PLCB1: variants seen among roughly 807,000 people sequenced by gnomAD.
The protein encoded by PLCB1 is 1-phosphatidylinositol 4,5-bisphosphate phosphodiesterase beta-1.
Under a neutral mutation model 161.8 loss-of-function variants are expected in PLCB1, and 46 were observed. The ratio of observed to expected loss-of-function variants is 0.28; its 90% CI spans 0.22 to 0.36. PLCB1 has a LOEUF of 0.36. PLCB1 is among the 10% of genes least tolerant of loss of function. PLCB1 has a pLI of 1.00. For synonymous variants in PLCB1, 517 were observed against 503.7 expected, an observed-to-expected ratio of 1.03 and a Z score of -0.35; for missense variants, 1,016 against 1,472.5, an observed-to-expected ratio of 0.69 and a Z score of 5.07.
intron 10 of PLCB1, among the ~76,000 whole-genome samples, chr20:8,696,642 A>G (rs889502609): frequency 6.6e-6 from 1 of 152,140 alleles, no homozygotes; most frequent in Admixed American, 6.5e-5. Context: ...ATGTATTTCC[A>G]TTTATTTGGG....
At chr20:8,236,083 T>C (rs984976834) in intron 2 of PLCB1, among the ~76,000 whole-genome samples, 1 of 152,148 alleles carries the variant, frequency 6.6e-6, no homozygotes, top group Non-Finnish European at 1.5e-5. Flanking sequence ...TCAAGTTAAT[T>C]TGAAATTTTT....
At chr20:8,448,468 G>T (rs1484213592) in intron 3 of PLCB1, among the ~76,000 whole-genome samples, 2 of 152,180 alleles carry the variant, frequency 1.3e-5, no homozygotes, top group African/African-American at 4.8e-5. Flanking sequence ...GTTATGTTTA[G>T]AAGGCAGCGG....
At chr20:8,513,368 C>A (rs760606431) in intron 3 of PLCB1, among the ~76,000 whole-genome samples, 1 of 152,222 alleles carries the variant, frequency 6.6e-6, no homozygotes, top group Non-Finnish European at 1.5e-5. Context: ...CTCATTCATT[C>A]ACACACAGCA....
chr20:8,495,110 G>A (rs1464222929), intron 3 of PLCB1, among the ~76,000 whole-genome samples: 1 of 151,790 alleles, frequency 6.6e-6, no homozygotes, highest in African/African-American at 2.4e-5. Context: ...ATGAGCAGGA[G>A]GAGAATGATA....
chr20:8,790,546 C>T (rs578058856), intron 31 of PLCB1, among the ~76,000 whole-genome samples: 20 of 152,108 alleles, frequency 1.3e-4, no homozygotes, highest in Non-Finnish European at 2.4e-4. Context: ...TTTTATAGTC[C>T]GTTTCCCCTG....
intron 2 of PLCB1, among the ~76,000 whole-genome samples, chr20:8,323,241 T>G (rs1038566978): frequency 2.0e-5 from 3 of 152,194 alleles, no homozygotes; most frequent in Admixed American, 6.6e-5. Flanking sequence ...ATAGGAAAAT[T>G]TATTTATAAA....
rs188358007 is a variant in PLCB1, at chr20:8,267,916, T to C, written c.178-103466T>C. On this transcript the variant is annotated intron_variant, in intron 2 of 31. Coordinates refer to ENST00000338037, the MANE Select transcript of PLCB1 (RefSeq NM_015192.4). ...AAGACTTGGCCCACAACCAGTCTGATTGGTTGTGGGACAGGACCAATCAGA... is the reference window on the plus strand; with the variant it reads ...AAGACTTGGCCCACAACCAGTCTGACTGGTTGTGGGACAGGACCAATCAGA... 3.9e-3 allele frequency among the ~76,000 whole-genome samples: 600 copies of C among 152,030 alleles called. 3 individuals carry two copies. The highest frequency in any genetic ancestry group is 5.9e-3 in the Non-Finnish European group (402 of 67,958).
intron 18 of PLCB1, among the ~76,000 whole-genome samples, chr20:8,732,457 A>G (rs1158601031): frequency 6.6e-6 from 1 of 151,644 alleles, no homozygotes; most frequent in South Asian, 2.1e-4. Context: ...TCAAAACATT[A>G]TAAGGGTGAA....
intron 19 of PLCB1, among the ~76,000 whole-genome samples, chr20:8,733,784 TATAATAATAATA>T (rs199683575): frequency 0.011 from 1,502 of 139,284 alleles, 20 homozygotes; most frequent in African/African-American, 0.025. Flanking sequence ...AAACTTAAAG[TATAATAATAATA>T]ATAATAATAA....
chr20:8,542,421 G>T (rs989821165), intron 3 of PLCB1, among the ~76,000 whole-genome samples: 2 of 152,156 alleles, frequency 1.3e-5, no homozygotes, highest in Admixed American at 6.5e-5. Flanking sequence ...CACATTAGCT[G>T]CCCAGTCTTG....
In PLCB1 at chr20:8,490,834, T is replaced by G. The variant is rs1186128983; in HGVS notation, c.246+119384T>G. ...AGTTTCTTTTCTTATTTTCAGATTTTGAGAGTTGTTGGCTCATATATATAG... is the reference window on the plus strand; with the variant it reads ...AGTTTCTTTTCTTATTTTCAGATTTGGAGAGTTGTTGGCTCATATATATAG... On this transcript the variant is annotated intron_variant, in intron 3 of 31. Transcript: ENST00000338037. 4.7e-5 allele frequency among the ~76,000 whole-genome samples: 7 copies of G among 148,470 alleles called. No homozygotes were observed. The East Asian group carries it at 1.4e-3, about 29-fold the overall frequency.
At chr20:8,658,053 G>A (rs1425938100) in intron 8 of PLCB1, among the ~76,000 whole-genome samples, 1 of 152,120 alleles carries the variant, frequency 6.6e-6, no homozygotes, top group East Asian at 1.9e-4. Flanking sequence ...GAAATGGGAA[G>A]TTTGAACAAT....
At chr20:8,818,842 G>A (rs1310655381) in intron 31 of PLCB1, among the ~76,000 whole-genome samples, 1 of 151,874 alleles carries the variant, frequency 6.6e-6, no homozygotes, top group African/African-American at 2.4e-5. Context: ...TTGGGAGGCT[G>A]AGGCAGTAGA....
At chr20:8,386,814 A>G (rs1568657048) in intron 3 of PLCB1, among the ~76,000 whole-genome samples, 1 of 152,172 alleles carries the variant, frequency 6.6e-6, no homozygotes, top group Non-Finnish European at 1.5e-5. Context: ...CTTCTGGGTA[A>G]TTTGCTGTAG....
intron 3 of PLCB1, among the ~76,000 whole-genome samples, chr20:8,409,357 A>G (rs1978934449): frequency 6.6e-6 from 1 of 152,178 alleles, no homozygotes; most frequent in Non-Finnish European, 1.5e-5. Flanking sequence ...AACATTAGCA[A>G]TCAGGGGTCT....
At chr20:8,168,198 T>C (rs1238253511) in intron 2 of PLCB1, among the ~76,000 whole-genome samples, 1 of 152,210 alleles carries the variant, frequency 6.6e-6, no homozygotes, top group Non-Finnish European at 1.5e-5. Flanking sequence ...ATGCCACCTA[T>C]TGATGACAAG....
At chr20:8,272,011 A>AT (rs994524067) in intron 2 of PLCB1, among the ~76,000 whole-genome samples, 7 of 151,946 alleles carry the variant, frequency 4.6e-5, no homozygotes, top group South Asian at 2.1e-4. Context: ...TCCTTTCAAG[A>AT]TTTTTTTTGC....
chr20:8,498,891 G>A (rs1291923361), intron 3 of PLCB1, among the ~76,000 whole-genome samples: 5 of 152,162 alleles, frequency 3.3e-5, no homozygotes, highest in Admixed American at 2.6e-4. Flanking sequence ...TTATTTCTGT[G>A]TCACATGGTG....
intron 14 of PLCB1, among the ~76,000 whole-genome samples, chr20:8,720,733 T>C (rs149292283): frequency 6.6e-6 from 1 of 152,196 alleles, no homozygotes; most frequent in African/African-American, 2.4e-5. Context: ...CACTAAAGAA[T>C]GACCTGATTG....
Sources: allele counts gnomAD v4.1 joint callset (sites outside exome capture counted in the v4.1 genomes callset), GRCh38; gene constraint gnomAD v4.1.1; transcripts MANE v1.5; gene names NCBI Gene and HGNC (gene_info 2026-07-23, HGNC 2026-07-21).